Variants in HSD17B12 observed in about 807,000 individuals in gnomAD.
The protein encoded by HSD17B12 is very-long-chain 3-oxoacyl-CoA reductase.
In HSD17B12, 32 loss-of-function variants were observed where a neutral mutation model predicts 39.3. The observed-to-expected ratio is 0.81, with a 90% CI of 0.61 to 1.09. HSD17B12 has a LOEUF of 1.09. Ranked by LOEUF, HSD17B12 falls within the 50% of genes least tolerant of loss-of-function variation. The pLI is 0.00. For missense variants in HSD17B12, 342 were observed against 382.9 expected (o/e 0.89, Z 0.89); for synonymous variants, 150 against 146.7 (o/e 1.02, Z -0.16).
At chr11:43,706,100 TG>T (rs1463662547) in intron 1 of HSD17B12, among the ~76,000 whole-genome samples, 2 of 151,754 alleles carry the variant, frequency 1.3e-5, no homozygotes, top group African/African-American at 4.8e-5. Flanking sequence ...CCTGGTGGGG[TG>T]GGGGTGTGTC....
intron 1 of HSD17B12, among the ~76,000 whole-genome samples, chr11:43,685,932 C>T (rs1176677975): frequency 6.6e-6 from 1 of 152,190 alleles, no homozygotes; most frequent in African/African-American, 2.4e-5. Context: ...ATAGTTGGCA[C>T]ATTTTGGGAT....
the HSD17B12 span, among the ~76,000 whole-genome samples, chr11:43,567,662 G>A: frequency 2.0e-5 from 3 of 152,192 alleles, no homozygotes; most frequent in Non-Finnish European, 4.4e-5. Flanking sequence ...GAGCATCCTG[G>A]CACCTTGAAG....
At chr11:43,601,002 TA>T in the HSD17B12 span, among the ~76,000 whole-genome samples, 1 of 151,878 alleles carries the variant, frequency 6.6e-6, no homozygotes. Context: ...GTCCTTTCCA[TA>T]TACATATATT....
At chr11:43,755,563 C>G (rs1395822987) in intron 3 of HSD17B12, 2 of 152,232 alleles carry the variant, frequency 1.3e-5, no homozygotes, top group East Asian at 3.8e-4. Context: ...TTTTAACTAA[C>G]TTCTCAGCTA....
chr11:43,818,010 A>G (rs1345276893), intron 6 of HSD17B12, among the ~76,000 whole-genome samples: 1 of 152,184 alleles, frequency 6.6e-6, no homozygotes, highest in East Asian at 1.9e-4. Context: ...TATGTCATCT[A>G]TGATTCCTTT....
rs528727998 is a variant in HSD17B12 at position 43,855,500 on chromosome 11, G to A, written c.*252G>A. The A allele has an allele frequency of 5.4e-5, 12 of 223,278 alleles. No individual in the cohort carries two copies. Among genetic ancestry groups the A allele is most frequent in the Non-Finnish European group, 9.5e-5 (11 of 115,570 alleles). The allele number at this position is 223,278 out of a possible 1,614,324, so 13.8% of individuals were successfully genotyped here. ...AAATGAATATAGAACTAATATTGTC[G>A]GGAACACCTAATAGAAAGGAATACT... On this transcript the variant is annotated 3_prime_UTR_variant, in exon 11 of 11. Transcript: ENST00000278353.
chr11:43,650,805 C>T, the HSD17B12 span, among the ~76,000 whole-genome samples: 3 of 152,166 alleles, frequency 2.0e-5, no homozygotes, highest in African/African-American at 7.2e-5. Context: ...TTACCTGTGG[C>T]CAACTGCAGT....
At position 43,750,262 on chromosome 11, in the gene HSD17B12, T is replaced by TAG. The variant is rs1565074529; in HGVS notation, c.161-648_161-647insGA. 5.9e-3 allele frequency among the ~76,000 whole-genome samples: 892 copies of TAG among 152,280 alleles called. 8 individuals carry two copies. Among genetic ancestry groups the TAG allele is most frequent in the African/African-American group, 0.021 (859 of 41,586 alleles). ...TACTCCACTATCCAGAGATAACCAG[T>TAG]ATTCTGACTTCTGTCACCATAGATT... On this transcript the variant is annotated intron_variant, in intron 1 of 10. Transcript: ENST00000278353.
At chr11:43,850,389 G>A (rs1951519024) in intron 9 of HSD17B12, among the ~76,000 whole-genome samples, 1 of 152,196 alleles carries the variant, frequency 6.6e-6, no homozygotes, top group Non-Finnish European at 1.5e-5. Context: ...CCTTAAGAGT[G>A]TGTGCTGGCT....
At chr11:43,716,340 G>GTTA (rs1179564354) in intron 1 of HSD17B12, among the ~76,000 whole-genome samples, 1 of 152,164 alleles carries the variant, frequency 6.6e-6, no homozygotes, top group Non-Finnish European at 1.5e-5. Flanking sequence ...TTTTCTGAAT[G>GTTA]TCCTTAAGTA....
intron 9 of HSD17B12, among the ~76,000 whole-genome samples, chr11:43,850,631 A>T (rs1340864361): frequency 6.6e-6 from 1 of 152,250 alleles, no homozygotes; most frequent in Non-Finnish European, 1.5e-5. Flanking sequence ...ATTCTTGAAT[A>T]TCTGCCATGC....
At chr11:43,638,150 C>T in the HSD17B12 span, among the ~76,000 whole-genome samples, 1 of 152,186 alleles carries the variant, frequency 6.6e-6, no homozygotes, top group African/African-American at 2.4e-5. Flanking sequence ...TCCAGTTTCT[C>T]TGGATCATCA....
chr11:43,694,998 A>G (rs976549984), intron 1 of HSD17B12, among the ~76,000 whole-genome samples: 2 of 152,062 alleles, frequency 1.3e-5, no homozygotes, highest in African/African-American at 4.8e-5. Flanking sequence ...CTGGTCTAGT[A>G]GAGATGGTGA....
At chr11:43,810,144 G>C (rs1483230758) in intron 4 of HSD17B12, among the ~76,000 whole-genome samples, 2 of 151,948 alleles carry the variant, frequency 1.3e-5, no homozygotes, top group Non-Finnish European at 1.5e-5. Flanking sequence ...TTAATTTCTA[G>C]TAATTTATTG....
rs957839151 is a variant in HSD17B12 at position 43,798,222 on chromosome 11, G to GA, written c.284-95dup. On this transcript the variant is annotated intron_variant, in intron 3 of 10. Coordinates refer to ENST00000278353, the MANE Select transcript of HSD17B12 (RefSeq NM_016142.3). ...AATTTTGTATCAAATTGGGTGGGGAGAAACGTCTGAAAGGATAATGCTATC... is the reference window on the plus strand; with the variant it reads ...AATTTTGTATCAAATTGGGTGGGGAGAAAACGTCTGAAAGGATAATGCTATC... 4.3e-5 allele frequency: 30 copies of GA among 692,262 alleles called. No individual in the cohort carries two copies. The African/African-American group carries it at 5.5e-4, about 13-fold the overall frequency. The allele number at this position is 692,262 out of a possible 1,614,324, so 42.9% of individuals were successfully genotyped here. A position where few individuals can be genotyped will look rare whatever the true frequency, so the allele number is the denominator to read the frequency against.
chr11:43,805,398 A>G (rs1279348973), intron 4 of HSD17B12, among the ~76,000 whole-genome samples: 1 of 152,222 alleles, frequency 6.6e-6, no homozygotes, highest in African/African-American at 2.4e-5. Flanking sequence ...ATGGAGAACA[A>G]TAGTCTTAAA....
intron 4 of HSD17B12, among the ~76,000 whole-genome samples, chr11:43,810,367 T>TTATA (rs59970877): frequency 0.079 from 4,592 of 58,440 alleles, 120 homozygotes; most frequent in Non-Finnish European, 0.11. Context: ...AATTTAGAAA[T>TTATA]TATATATATA....
intron 4 of HSD17B12, among the ~76,000 whole-genome samples, chr11:43,808,291 T>A (rs1015144754): frequency 2.2e-5 from 1 of 45,024 alleles, no homozygotes; most frequent in African/African-American, 6.3e-5. Flanking sequence ...GGTGCATGGA[T>A]TTTTTTTTTT....
At chr11:43,768,029 A>C (rs1198257876) in intron 3 of HSD17B12, among the ~76,000 whole-genome samples, 1 of 152,246 alleles carries the variant, frequency 6.6e-6, no homozygotes, top group Non-Finnish European at 1.5e-5. Context: ...CATTTTATAA[A>C]TATGAAAACG....
Sources: gnomAD v4.1 joint callset for allele counts (sites outside exome capture counted in the v4.1 genomes callset) on GRCh38, gnomAD v4.1.1 for gene constraint, MANE v1.5 for transcripts, NCBI Gene and HGNC (gene_info 2026-07-23, HGNC 2026-07-21) for gene names.